The following CD55 variants were observed in gnomAD, a reference collection of about 807,000 sequenced individuals.
CD55 encodes the protein CD55 molecule (Cromer blood group).
Under a neutral mutation model 45.8 loss-of-function variants are expected in CD55, and 41 were observed. The ratio of observed to expected loss-of-function variants is 0.90; its 90% CI spans 0.70 to 1.16. The LOEUF is 1.16. CD55 is among the 50% of genes most tolerant of loss of function. CD55 has a pLI of 0.00. For missense variants in CD55, 416 were observed against 469.8 expected (o/e 0.89, Z 1.06); for synonymous variants, 181 against 181.1 (o/e 1.00, Z 0.01).
chr1:207,333,017 G>T lies in CD55; in HGVS notation c.853+1721G>T, dbSNP rs182404893. Among the ~76,000 whole-genome samples the T allele has an allele frequency of 2.6e-4, 40 of 152,272 alleles. 1 individual carries two copies. The East Asian group carries it at 7.3e-3, about 28-fold the overall frequency. On this transcript the variant is annotated intron_variant, in intron 6 of 9. Coordinates refer to ENST00000367064, the MANE Select transcript of CD55 (RefSeq NM_000574.5). ...TTATGGAGGGATAGGGTAATACACTGGAAATTGAGGCCCTCAAATGCAGAA... is the reference window on the plus strand; with the variant it reads ...TTATGGAGGGATAGGGTAATACACTTGAAATTGAGGCCCTCAAATGCAGAA...
chr1:207,330,034 C>CT (rs1051403043), intron 5 of CD55, among the ~76,000 whole-genome samples: 3 of 77,072 alleles, frequency 3.9e-5, no homozygotes, highest in African/African-American at 1.4e-4. Context: ...ATTTCTGAAT[C>CT]TTTTTTCCCA....
At chr1:207,321,892 A>G in intron 1 of CD55, 27 bp downstream of exon 1, 1 of 1,479,954 alleles carries the variant, frequency 6.8e-7, no homozygotes, top group Non-Finnish European at 9.0e-7. Flanking sequence ...CGGCCGGGGA[A>G]GCCCCTGGGC....
intron 9 of CD55, chr1:207,358,366 G>A (rs533939245): frequency 6.6e-6 from 1 of 152,244 alleles, no homozygotes; most frequent in African/African-American, 2.4e-5. Context: ...GCCTATCAGA[G>A]GATTGATTTA....
intron 9 of CD55, among the ~76,000 whole-genome samples, chr1:207,345,856 A>G (rs1359969447): frequency 6.6e-6 from 1 of 152,212 alleles, no homozygotes; most frequent in Admixed American, 6.5e-5. Context: ...CATCAGTGGT[A>G]TCTGTCATTT....
At chr1:207,351,924 T>TA (rs1371072781) in intron 9 of CD55, among the ~76,000 whole-genome samples, 1 of 152,130 alleles carries the variant, frequency 6.6e-6, no homozygotes, top group Non-Finnish European at 1.5e-5. Flanking sequence ...ACATTTTTTG[T>TA]GTGTGATTTC....
chr1:207,335,542 GA>G (rs1324614872), intron 6 of CD55, among the ~76,000 whole-genome samples: 1 of 152,130 alleles, frequency 6.6e-6, no homozygotes, highest in Non-Finnish European at 1.5e-5. Context: ...GAACTAACTT[GA>G]TAGAACAAAG....
chr1:207,326,917 T>C, intron 5 of CD55, 80 bp downstream of exon 5: 1 of 1,000,022 alleles, frequency 1.0e-6, no homozygotes, highest in Non-Finnish European at 1.6e-6. Flanking sequence ...CTTAAGAATA[T>C]TAGCACAGTG....
In CD55 at chr1:207,359,569, G is replaced by C; in HGVS notation, c.1105G>C (p.Gly369Arg). The change falls in exon 10 of 10, where the codon GGT becomes CGT. Residue 369 changes from glycine to arginine, a missense_variant. By Grantham distance (125) the Gly-to-Arg change is moderately radical. Around this residue, in one of 3 missense-constraint regions of CD55, gnomAD observed 182 missense variants for 201.4 expected, o/e 0.90. Coordinates refer to ENST00000367064, the MANE Select transcript of CD55 (RefSeq NM_000574.5). ...AGGGCACACGTGTTTCACGTTGACA[G>C]GTTTGCTTGGGACGCTAGTAACCAT... ...LSGHTCFTLT[G>R]LLGTLVTMGL... 1 of 1,576,642 alleles carries C rather than the reference G, an allele frequency of 6.3e-7. No individual in the cohort carries two copies. The highest frequency in any genetic ancestry group is 8.6e-7 in the Non-Finnish European group (1 of 1,165,694).
chr1:207,328,725 C>T (rs924984663), intron 5 of CD55, among the ~76,000 whole-genome samples: 3 of 152,178 alleles, frequency 2.0e-5, no homozygotes, highest in African/African-American at 7.2e-5. Flanking sequence ...TCTTAACTCC[C>T]CACATCTCAT....
In CD55 at chr1:207,353,040, G is replaced by GTTTTTTTTTTTTTTT; in HGVS notation, c.1082-6495_1082-6481dup. 4.2e-5 allele frequency among the ~76,000 whole-genome samples: 2 copies of GTTTTTTTTTTTTTTT among 47,406 alleles called. 1 individual carries two copies. Among genetic ancestry groups the GTTTTTTTTTTTTTTT allele is most frequent in the Non-Finnish European group, 7.3e-5 (2 of 27,346 alleles). 31.1% of individuals were successfully genotyped at this position (47,406 alleles called of 152,430 possible). On this transcript the variant is annotated intron_variant, in intron 9 of 9. Coordinates refer to ENST00000367064, the MANE Select transcript of CD55 (RefSeq NM_000574.5). ...CGATGACTAGTTTCTCTATTACCAG[G>GTTTTTTTTTTTTTTT]TTTTTTTTTTTTTTTTTTTTTTTTT...
At chr1:207,347,173 C>G (rs749624229) in intron 9 of CD55, 5 of 456,254 alleles carry the variant, frequency 1.1e-5, no homozygotes, top group Middle Eastern at 3.3e-4. Flanking sequence ...GGCATCTAGT[C>G]AGACATCTTG....
At position 207,322,520 on chromosome 1, in the gene CD55, T is replaced by A. The variant is rs776347919; in HGVS notation, c.239T>A (p.Ile80Asn). ...VKIPGEKDSV[I>N]CLKGSQWSDI... ...ATTCCTGGCGAGAAGGACTCAGTGA[T>A]CTGCCTTAAGGGCAGTCAATGGTCA... Residue 80 changes from isoleucine (I) to asparagine (N), a missense_variant, in exon 2 of 10, where the codon ATC (isoleucine) becomes AAC (asparagine). This residue lies in a region of CD55 where 123 missense variants were observed against 105.1 expected (regional missense o/e 1.17). Transcript: ENST00000367064. 4.5e-5 allele frequency: 73 copies of A among 1,614,096 alleles called. No homozygotes were observed. The highest frequency in any genetic ancestry group is 1.8e-4 in the Admixed American group (11 of 60,006).
intron 9 of CD55, among the ~76,000 whole-genome samples, chr1:207,339,740 A>G (rs573389139): frequency 7.9e-5 from 12 of 151,516 alleles, no homozygotes; most frequent in Non-Finnish European, 1.6e-4. Context: ...TTATAAAAAC[A>G]TAACCATGTA....
chr1:207,340,223 C>CT (rs1002613934), intron 9 of CD55, among the ~76,000 whole-genome samples: 1 of 151,978 alleles, frequency 6.6e-6, no homozygotes, highest in African/African-American at 2.4e-5. Context: ...TGATATTTGT[C>CT]TTTTTTGCTT....
chr1:207,323,814 T>C (rs1326035536), intron 2 of CD55, among the ~76,000 whole-genome samples: 1 of 152,226 alleles, frequency 6.6e-6, no homozygotes, highest in African/African-American at 2.4e-5. Context: ...TATCCAATCC[T>C]CCAAACAACC....
chr1:207,324,927 T>C (rs188523612), intron 3 of CD55, among the ~76,000 whole-genome samples, 177 bp downstream of exon 3: 1 of 152,344 alleles, frequency 6.6e-6, no homozygotes, highest in East Asian at 1.9e-4. Flanking sequence ...GTAGGAATAC[T>C]TATTCATTCA....
chr1:207,335,530 G>GAT (rs1655134907), intron 6 of CD55, among the ~76,000 whole-genome samples: 1 of 152,162 alleles, frequency 6.6e-6, no homozygotes, highest in Non-Finnish European at 1.5e-5. Flanking sequence ...GATCAAAACT[G>GAT]AGAACTAACT....
chr1:207,348,311 A>G (rs1655730204), intron 9 of CD55, among the ~76,000 whole-genome samples: 1 of 152,110 alleles, frequency 6.6e-6, no homozygotes, highest in African/African-American at 2.4e-5. Flanking sequence ...CATTTCTCTA[A>G]TGATTAGTGA....
intron 9 of CD55, among the ~76,000 whole-genome samples, chr1:207,356,486 T>C (rs1359235403): frequency 1.3e-5 from 2 of 152,190 alleles, no homozygotes; most frequent in African/African-American, 4.8e-5. Context: ...TTTATGATAG[T>C]ATCTAGTGTT....
Sources: gnomAD v4.1 joint callset for allele counts (sites outside exome capture counted in the v4.1 genomes callset) on GRCh38, gnomAD v4.1.1 for gene constraint, gnomAD v4.1.1 regional missense constraint, MANE v1.5 for transcripts, NCBI Gene and HGNC (gene_info 2026-07-23, HGNC 2026-07-21) for gene names.